The following SNX13 variants were observed in gnomAD, a reference collection of about 807,000 sequenced individuals.
The protein encoded by SNX13 is sorting nexin 13, also known as sorting nexin-13.
Under a neutral mutation model 133.6 loss-of-function variants are expected in SNX13, and 45 were observed. That is an observed-to-expected ratio of 0.34 (90% CI 0.27 to 0.43). The LOEUF (loss-of-function observed/expected upper bound fraction) is 0.43. SNX13 is among the 20% of genes least tolerant of loss of function. SNX13 has a pLI of 1.00. For synonymous variants in SNX13, 414 were observed against 373.9 expected, an observed-to-expected ratio of 1.11 and a Z score of -1.24; for missense variants, 1,032 against 1,145.1, an observed-to-expected ratio of 0.90 and a Z score of 1.43.
chr7:17,808,792 G>A (rs1399098749), intron 20 of SNX13, among the ~76,000 whole-genome samples: 2 of 152,094 alleles, frequency 1.3e-5, no homozygotes, highest in African/African-American at 2.4e-5. Flanking sequence ...GAGAGTGAGG[G>A]CCAATATTCA....
chr7:17,805,251 G>GTGTGCGCGCA (rs1554304142), intron 20 of SNX13, among the ~76,000 whole-genome samples: 2 of 71,874 alleles, frequency 2.8e-5, no homozygotes, highest in Non-Finnish European at 6.2e-5. Context: ...GTGTGTGTGT[G>GTGTGCGCGCA]CGTGCGCGCG....
intron 15 of SNX13, chr7:17,830,403 G>C: frequency 1.0e-6 from 1 of 984,228 alleles, no homozygotes; most frequent in Non-Finnish European, 1.2e-6. Context: ...AGGCCCATTA[G>C]GAAACACCAG....
chr7:17,924,975 AGGCG>A (rs1800578362), intron 1 of SNX13, among the ~76,000 whole-genome samples: 1 of 152,194 alleles, frequency 6.6e-6, no homozygotes, highest in South Asian at 2.1e-4. Context: ...TAGGAGGCCA[AGGCG>A]GGCAGATCAC....
intron 20 of SNX13, 75 bp from the exon 21 acceptor site, chr7:17,803,655 T>C (rs1307892955): frequency 7.6e-7 from 1 of 1,317,086 alleles, no homozygotes; most frequent in South Asian, 1.5e-5. Context: ...CCTTGGAAAA[T>C]ATAGAGTGCA....
At chr7:17,836,614 C>A (rs1789169510) in intron 13 of SNX13, among the ~76,000 whole-genome samples, 2 of 152,010 alleles carry the variant, frequency 1.3e-5, no homozygotes, top group South Asian at 2.1e-4. Context: ...AATGTGTATT[C>A]TTTACTTTTC....
At chr7:17,920,548 G>GT in intron 1 of SNX13, among the ~76,000 whole-genome samples, 1 of 152,212 alleles carries the variant, frequency 6.6e-6, no homozygotes, top group East Asian at 1.9e-4. Flanking sequence ...ATATTTCAAA[G>GT]TTTAACAGTG....
chr7:17,925,789 AG>A (rs1385572225), intron 1 of SNX13, among the ~76,000 whole-genome samples: 2 of 152,150 alleles, frequency 1.3e-5, no homozygotes, highest in African/African-American at 4.8e-5. Flanking sequence ...AGGGGAAAAA[AG>A]AGGAGGAGAA....
intron 1 of SNX13, among the ~76,000 whole-genome samples, chr7:17,921,981 A>C (rs1562528228): frequency 6.6e-6 from 1 of 152,194 alleles, no homozygotes; most frequent in Non-Finnish European, 1.5e-5. Flanking sequence ...ACCAACATTC[A>C]CTACAACTTC....
intron 12 of SNX13, among the ~76,000 whole-genome samples, chr7:17,844,696 C>T (rs1191290469): frequency 1.3e-5 from 2 of 151,600 alleles, no homozygotes; most frequent in Non-Finnish European, 2.9e-5. Flanking sequence ...AAATTATACA[C>T]CATGACTAAG....
At position 17,805,265 on chromosome 7, in the gene SNX13, G is replaced by GCGCGCGCGCA. The variant is rs771908159; in HGVS notation, c.2065-1686_2065-1685insTGCGCGCGCG. On this transcript the variant is annotated intron_variant, in intron 20 of 25. Coordinates refer to ENST00000428135, the MANE Select transcript of SNX13 (RefSeq NM_015132.5). Reference sequence around the variant, plus strand: ...TGTGTGTGTGTGCGTGCGCGCGCGCGCATGCATGCACATGTGTAATTCTAA... The same window carrying GCGCGCGCGCA: ...TGTGTGTGTGTGCGTGCGCGCGCGCGCGCGCGCGCACATGCATGCACATGTGTAATTCTAA... Among the ~76,000 whole-genome samples the GCGCGCGCGCA allele has an allele frequency of 3.3e-3, 480 of 146,066 alleles. 5 individuals are homozygous for GCGCGCGCGCA. Among genetic ancestry groups the GCGCGCGCGCA allele is most frequent in the Middle Eastern group, 6.8e-3 (2 of 292 alleles).
intron 18 of SNX13, among the ~76,000 whole-genome samples, chr7:17,819,804 T>C (rs1414362039): frequency 3.3e-5 from 5 of 151,572 alleles, no homozygotes; most frequent in Non-Finnish European, 7.4e-5. Context: ...TTAAAAGGAG[T>C]TTTTAATTTC....
rs541329043 is a variant in SNX13 at position 17,808,043 on chromosome 7, A to T, written c.2065-4463T>A. Among the ~76,000 whole-genome samples the T allele has an allele frequency of 3.3e-5, 5 of 152,350 alleles. No individual in the cohort carries two copies. The South Asian group carries it at 8.3e-4, about 25-fold the overall frequency. On this transcript the variant is annotated intron_variant, in intron 20 of 25. Coordinates refer to ENST00000428135, the MANE Select transcript of SNX13 (RefSeq NM_015132.5). ...CTGAAAATTCCAAAAACCAGAACGC[A>T]TCTTCTCCTCCAAAGGATCACAACT... is the stretch of plus-strand genomic sequence containing the variant.
chr7:17,834,889 T>C, intron 13 of SNX13, 24 bp from the exon 14 acceptor site: 1 of 1,355,882 alleles, frequency 7.4e-7, no homozygotes, highest in Non-Finnish European at 1.0e-6. Flanking sequence ...ATAATAGTAA[T>C]GATCTCTGTA....
chr7:17,914,560 CAG>C (rs2128025742), intron 1 of SNX13, among the ~76,000 whole-genome samples: 1 of 152,290 alleles, frequency 6.6e-6, no homozygotes, highest in South Asian at 2.1e-4. Context: ...CCAGAAGAGA[CAG>C]GGGGCCCATT....
intron 9 of SNX13, 67 bp from the exon 10 acceptor site, chr7:17,851,031 G>A: frequency 6.7e-7 from 1 of 1,489,760 alleles, no homozygotes; most frequent in Non-Finnish European, 9.1e-7. Context: ...ACTGAATCTT[G>A]AGTGCCTACT....
chr7:17,891,398 G>A (rs953291859), intron 4 of SNX13, 148 bp downstream of exon 4: 2 of 497,448 alleles, frequency 4.0e-6, no homozygotes, highest in Non-Finnish European at 7.0e-6. Flanking sequence ...TAATAAATAA[G>A]GAAGCATCTT....
chr7:17,801,353 T>G (rs942195281), intron 22 of SNX13, among the ~76,000 whole-genome samples: 1 of 151,666 alleles, frequency 6.6e-6, no homozygotes, highest in African/African-American at 2.4e-5. Context: ...TGGTCCTTGG[T>G]GGAGGCGAAG....
chr7:17,908,302 A>T (rs1260813056), intron 1 of SNX13, among the ~76,000 whole-genome samples: 2 of 152,148 alleles, frequency 1.3e-5, no homozygotes, highest in Non-Finnish European at 2.9e-5. Flanking sequence ...TAGCTGCATG[A>T]CTATATCATT....
chr7:17,857,505 C>A (rs1792066705), intron 9 of SNX13, among the ~76,000 whole-genome samples: 1 of 152,198 alleles, frequency 6.6e-6, no homozygotes, highest in East Asian at 1.9e-4. Flanking sequence ...AGTAAACTGG[C>A]CAGGTGCGGT....
Sources: allele counts gnomAD v4.1 joint callset (sites outside exome capture counted in the v4.1 genomes callset), GRCh38; gene constraint gnomAD v4.1.1; transcripts MANE v1.5; gene names NCBI Gene and HGNC (gene_info 2026-07-23, HGNC 2026-07-21).